THSD4: variants seen among roughly 807,000 people sequenced by gnomAD.
The protein encoded by THSD4 is thrombospondin type 1 domain containing 4, also known as thrombospondin type-1 domain-containing protein 4.
Under a neutral mutation model 119.0 loss-of-function variants are expected in THSD4, and 69 were observed. That is an observed-to-expected ratio of 0.58 (90% confidence interval 0.48 to 0.71). The LOEUF (loss-of-function observed/expected upper bound fraction) is 0.71. Among genes scored for constraint, THSD4 ranks in the 30% least tolerant of loss-of-function variants. The pLI is 0.00. For missense variants in THSD4, 1,393 were observed against 1,391.1 expected, an observed-to-expected ratio of 1.00 and a Z score of -0.02; for synonymous variants, 524 against 540.4, an observed-to-expected ratio of 0.97 and a Z score of 0.42.
At chr15:71,697,452 C>G (rs1166341371) in intron 8 of THSD4, among the ~76,000 whole-genome samples, 1 of 152,122 alleles carries the variant, frequency 6.6e-6, no homozygotes, top group Non-Finnish European at 1.5e-5. Flanking sequence ...ATAGGCACAT[C>G]GACATAGACA....
intron 7 of THSD4, among the ~76,000 whole-genome samples, chr15:71,457,390 A>G (rs2047355361): frequency 6.6e-6 from 1 of 151,376 alleles, no homozygotes; most frequent in African/African-American, 2.4e-5. Flanking sequence ...AAAAAAAAAA[A>G]AAAAAAAAAA....
intron 16 of THSD4, among the ~76,000 whole-genome samples, chr15:71,766,470 A>G (rs913905984): frequency 2.6e-5 from 4 of 152,240 alleles, no homozygotes; most frequent in East Asian, 1.9e-4. Flanking sequence ...CTTAGAAAAT[A>G]TATGAATAAA....
intron 6 of THSD4, among the ~76,000 whole-genome samples, chr15:71,346,863 A>ATTTTC (rs2045667886): frequency 1.2e-4 from 11 of 95,252 alleles, no homozygotes; most frequent in Non-Finnish European, 2.0e-4. Flanking sequence ...TTTCATTTTC[A>ATTTTC]TTTTCTTTTT....
intron 6 of THSD4, among the ~76,000 whole-genome samples, chr15:71,356,620 A>C (rs2045815155): frequency 6.6e-6 from 1 of 151,946 alleles, no homozygotes; most frequent in African/African-American, 2.4e-5. Flanking sequence ...GAGTGAAGGA[A>C]GGCAGGGAGG....
chr15:71,261,328 A>G (rs934118443), intron 6 of THSD4, among the ~76,000 whole-genome samples: 1 of 152,136 alleles, frequency 6.6e-6, no homozygotes, highest in Non-Finnish European at 1.5e-5. Flanking sequence ...TCCAGAAACC[A>G]GGAAAATGCG....
intron 6 of THSD4, among the ~76,000 whole-genome samples, chr15:71,371,434 G>A (rs1451295284): frequency 6.6e-6 from 1 of 152,130 alleles, no homozygotes; most frequent in Non-Finnish European, 1.5e-5. Flanking sequence ...TCCTTTCCAT[G>A]TTTAGTGCTT....
chr15:71,467,816 A>G (rs941989968), intron 7 of THSD4, among the ~76,000 whole-genome samples: 1 of 149,590 alleles, frequency 6.7e-6, no homozygotes, highest in Admixed American at 6.7e-5. Flanking sequence ...TGTTCCCATG[A>G]TATTGAATAA....
chr15:71,471,274 G>C (rs948346762), intron 7 of THSD4, among the ~76,000 whole-genome samples: 1 of 152,138 alleles, frequency 6.6e-6, no homozygotes, highest in South Asian at 2.1e-4. Context: ...TTAATCACTA[G>C]GGCAAGCAGG....
intron 8 of THSD4, among the ~76,000 whole-genome samples, chr15:71,702,114 T>C (rs980278477): frequency 2.0e-5 from 3 of 152,200 alleles, no homozygotes; most frequent in African/African-American, 7.2e-5. Context: ...ACTTCCTCCT[T>C]ATGGGTCAGG....
intron 7 of THSD4, among the ~76,000 whole-genome samples, chr15:71,608,962 G>A (rs1391413868): frequency 2.0e-5 from 3 of 152,168 alleles, no homozygotes; most frequent in Non-Finnish European, 4.4e-5. Flanking sequence ...GAGGACATCA[G>A]TCTCTCCCTG....
At chr15:71,311,241 T>C (rs1240753363) in intron 6 of THSD4, among the ~76,000 whole-genome samples, 1 of 152,198 alleles carries the variant, frequency 6.6e-6, no homozygotes, top group Non-Finnish European at 1.5e-5. Flanking sequence ...TGCTGTTTGT[T>C]AACATAGATT....
At chr15:71,506,481 G>T (rs762780211) in intron 7 of THSD4, among the ~76,000 whole-genome samples, 2 of 152,156 alleles carry the variant, frequency 1.3e-5, no homozygotes, top group Non-Finnish European at 2.9e-5. Context: ...ACCCCGTAAG[G>T]CCCATGCCAA....
chr15:71,321,652 GATTT>G (rs1365812065), intron 6 of THSD4, among the ~76,000 whole-genome samples: 8 of 152,150 alleles, frequency 5.3e-5, no homozygotes, highest in Non-Finnish European at 2.9e-5. Context: ...TCTAAGAATA[GATTT>G]ATTTAATAAC....
intron 7 of THSD4, among the ~76,000 whole-genome samples, chr15:71,657,524 C>T (rs12442547): frequency 0.26 from 39,551 of 152,016 alleles, 5,950 homozygotes; most frequent in East Asian, 0.7. Context: ...TGGAGTTGTC[C>T]CTCTTGCTTT....
intron 10 of THSD4, 65 bp downstream of exon 10, chr15:71,731,282 A>G (rs1444094842): frequency 2.7e-6 from 4 of 1,455,720 alleles, no homozygotes; most frequent in African/African-American, 1.4e-5. Context: ...CTCTCTCTCA[A>G]TTCTTGTGCA....
intron 3 of THSD4, among the ~76,000 whole-genome samples, chr15:71,206,749 G>A (rs2043846799): frequency 6.6e-6 from 1 of 152,282 alleles, no homozygotes; most frequent in South Asian, 2.1e-4. Context: ...GGTTTTCTGT[G>A]ACAAGACTAT....
intron 7 of THSD4, among the ~76,000 whole-genome samples, chr15:71,482,096 T>C (rs537392201): frequency 6.6e-6 from 1 of 152,296 alleles, no homozygotes; most frequent in Middle Eastern, 3.4e-3. Context: ...TAACAACTTA[T>C]AGCAGCTTAA....
intron 5 of THSD4, among the ~76,000 whole-genome samples, chr15:71,255,891 T>A (rs1384340926): frequency 6.6e-6 from 1 of 152,218 alleles, no homozygotes; most frequent in Non-Finnish European, 1.5e-5. Flanking sequence ...CTGCCGTGGC[T>A]ACTATTCCAT....
intron 10 of THSD4, 95 bp from the exon 11 acceptor site, chr15:71,737,637 A>T: frequency 6.9e-7 from 1 of 1,449,474 alleles, no homozygotes; most frequent in Non-Finnish European, 9.2e-7. Context: ...AAACGATCTC[A>T]TGCTACACAG....
Sources: gnomAD v4.1 joint callset for allele counts (sites outside exome capture counted in the v4.1 genomes callset) on GRCh38, gnomAD v4.1.1 for gene constraint, MANE v1.5 for transcripts, NCBI Gene and HGNC (gene_info 2026-07-23, HGNC 2026-07-21) for gene names.